The following PIGQ variants were observed in gnomAD, a reference collection of about 807,000 sequenced individuals.
PIGQ encodes the protein phosphatidylinositol glycan anchor biosynthesis class Q.
PIGQ carries 54 observed loss-of-function variants against 60.3 expected under a neutral mutation model. That is an observed-to-expected ratio of 0.90 (90% CI 0.72 to 1.12). The LOEUF is 1.12. Among genes scored for constraint, PIGQ ranks in the 50% most tolerant of loss-of-function variants. PIGQ has a pLI of 0.00. For missense variants in PIGQ, 799 were observed against 793.5 expected (o/e 1.01, Z -0.08); for synonymous variants, 416 against 363.7 (o/e 1.14, Z -1.64).
chr16:576,695 A>T (rs1454039093), intron 4 of PIGQ: 1 of 424,950 alleles, frequency 2.4e-6, no homozygotes, highest in Non-Finnish European at 4.1e-6. Context: ...CTGATTCTGT[A>T]ACTCCTGTGC....
Position 580,980 on chromosome 16 carries a change from CT to C in PIGQ, c.1531+9del, listed in dbSNP as rs756931991. 3.8e-6 allele frequency: 6 copies of C among 1,571,382 alleles called. No individual in the cohort carries two copies. In the African/African-American group the frequency reaches 8.1e-5, roughly 21 times the overall value. ...GGCCCTACAGGCTGGCGGGTAAGTG[CT>C]GCGTATTGGGCAGCTGGCCCTGGGT... is the stretch of plus-strand genomic sequence containing the variant. On this transcript the variant is annotated intron_variant, in intron 9 of 10. Coordinates refer to ENST00000321878, the MANE Select transcript of PIGQ (RefSeq NM_004204.5).
At chr16:580,761 C>G (rs935166151) in intron 8 of PIGQ, 97 bp from the exon 9 acceptor site, 7 of 742,556 alleles carry the variant, frequency 9.4e-6, no homozygotes, top group Non-Finnish European at 1.7e-5. Context: ...GACCCTGCAG[C>G]CTCTGGGCCC....
chr16:581,890 A>G (rs990324784), intron 9 of PIGQ: 10 of 329,898 alleles, frequency 3.0e-5, no homozygotes, highest in African/African-American at 2.2e-4. Flanking sequence ...CAGCCTCCCA[A>G]GTAGCTGAGA....
chr16:582,179 T>C, intron 9 of PIGQ, 69 bp from the exon 10 acceptor site: 1 of 1,150,142 alleles, frequency 8.7e-7, no homozygotes, highest in Non-Finnish European at 1.3e-6. Context: ...GGAAGGTACC[T>C]GCAGCCTCTG....
intron 1 of PIGQ, among the ~76,000 whole-genome samples, chr16:573,560 A>G (rs1015599433): frequency 2.0e-5 from 3 of 152,106 alleles, no homozygotes; most frequent in Non-Finnish European, 4.4e-5. Flanking sequence ...ATCATTTTAC[A>G]TTTTCATCTT....
chr16:581,035 C>G, intron 9 of PIGQ, 63 bp downstream of exon 9: 1 of 1,348,816 alleles, frequency 7.4e-7, no homozygotes, highest in Non-Finnish European at 1.1e-6. Flanking sequence ...CCTGTGGGCC[C>G]TGCAGAAGCA....
At chr16:573,936 A>C (rs2035672514) in intron 1 of PIGQ, 130 bp from the exon 2 acceptor site, 6 of 638,020 alleles carry the variant, frequency 9.4e-6, no homozygotes, top group Non-Finnish European at 1.6e-5. Context: ...TCCACCACCG[A>C]ACTTGAAGCT....
intron 1 of PIGQ, among the ~76,000 whole-genome samples, chr16:571,415 CTG>C (rs1396458695): frequency 1.2e-4 from 4 of 32,282 alleles, no homozygotes; most frequent in Non-Finnish European, 2.4e-4. Flanking sequence ...TCTGGCTAGC[CTG>C]TGTGTGTCTG....
intron 1 of PIGQ, chr16:572,665 C>T (rs2035653870): frequency 2.2e-6 from 1 of 455,808 alleles, no homozygotes; most frequent in Admixed American, 2.4e-5. Context: ...CACTCTGTTC[C>T]CTCGTCCCTA....
chr16:572,548 T>C (rs533162362), intron 1 of PIGQ: 2 of 453,870 alleles, frequency 4.4e-6, no homozygotes, highest in South Asian at 3.1e-5. Flanking sequence ...TGCATCCTGC[T>C]CTGTTCCCTC....
Position 575,979 on chromosome 16 carries a change from C to T in PIGQ, c.821+9C>T, listed in dbSNP as rs1188752266. On this transcript the variant is annotated intron_variant, in intron 3 of 10. Transcript: ENST00000321878. ...CCTGCCCAGCTGATGAGGTGTGGGC[C>T]TGCCCTGGTCTCTGCAGGGCTGGGT... is the stretch of plus-strand genomic sequence containing the variant. The T allele has an allele frequency of 1.3e-6, 2 of 1,578,220 alleles. No homozygotes were observed. The highest frequency in any genetic ancestry group is 2.3e-5 in the East Asian group (1 of 43,368).
rs963491494 is a variant in PIGQ at position 578,277 on chromosome 16, G to A, written c.943-102G>A. The A allele has an allele frequency of 4.0e-6, 5 of 1,245,430 alleles. No homozygotes were observed. In the Admixed American group the frequency reaches 6.5e-5, roughly 16 times the overall value. 77.1% of individuals were successfully genotyped at this position (1,245,430 alleles called of 1,614,324 possible). A position where few individuals can be genotyped will look rare whatever the true frequency, so the allele number is the denominator to read the frequency against. On this transcript the variant is annotated intron_variant, in intron 4 of 10. Transcript: ENST00000321878. ...TAGGACGCGGTAGACCCTGGAGGAG[G>A]GAAGGCTGGCCAAGGTGGGAGCCCA...
chr16:581,037 G>C, intron 9 of PIGQ, 65 bp downstream of exon 9: 23 of 1,343,466 alleles, frequency 1.7e-5, no homozygotes, highest in Non-Finnish European at 2.5e-5. Flanking sequence ...TGTGGGCCCT[G>C]CAGAAGCAAG....
Position 574,065 on chromosome 16 carries a change from G to A in PIGQ, c.-9-1G>A. On this transcript the variant is annotated splice_acceptor_variant, in intron 1 of 10. Coordinates refer to ENST00000321878, the MANE Select transcript of PIGQ (RefSeq NM_004204.5). LOFTEE classifies it low-confidence loss of function (5UTR_SPLICE). ...GCCGAGCCTCTCCTCTTCTCTTCCA[G>A]CCTCCCGGCATGGTGCTCAAGGCCT... 1 of 1,584,624 alleles carries A rather than the reference G, an allele frequency of 6.3e-7. No individual in the cohort carries two copies. Among genetic ancestry groups the A allele is most frequent in the Non-Finnish European group, 8.6e-7 (1 of 1,165,182 alleles).
In PIGQ at chr16:574,225, C is replaced by G. The variant is rs1310451834; in HGVS notation, c.151C>G (p.Gln51Glu). Residue 51 changes from glutamine (Q) to glutamate (E), a missense_variant, in exon 2 of 11, where the codon CAG becomes GAG. Coordinates refer to ENST00000321878, the MANE Select transcript of PIGQ (RefSeq NM_004204.5). ...IPIQVKQLLA[Q>E]VRQASQVGVA... The stretch of plus-strand genomic sequence containing the variant: ...CATCCAGGTCAAGCAGCTCCTGGCC[C>G]AGGTGCGGCAGGCCAGCCAGGTGGG... 1.2e-6 allele frequency: 2 copies of G among 1,611,268 alleles called. No homozygotes were observed.
rs568765140 is a variant in PIGQ, at chr16:572,239, C to T, written c.-9-1827C>T. Among the ~76,000 whole-genome samples the T allele has an allele frequency of 1.4e-4, 22 of 152,334 alleles. No homozygotes were observed. The East Asian group carries it at 2.3e-3, about 16-fold the overall frequency. Reference sequence around the variant, plus strand: ...AGGCAGAATCACTTTGTCCCTCTCACGATGTCCTTGGTGCCTCACGTCAGC... The same window carrying T: ...AGGCAGAATCACTTTGTCCCTCTCATGATGTCCTTGGTGCCTCACGTCAGC... On this transcript the variant is annotated intron_variant, in intron 1 of 10. Coordinates refer to ENST00000321878, the MANE Select transcript of PIGQ (RefSeq NM_004204.5).
intron 7 of PIGQ, 156 bp from the exon 8 acceptor site, chr16:580,027 C>T: frequency 1.8e-6 from 1 of 550,370 alleles, no homozygotes. Context: ...GGACAGCCCT[C>T]CTGCTACTGG....
At chr16:576,291 G>T in intron 4 of PIGQ, 37 bp downstream of exon 4, 1 of 1,542,876 alleles carries the variant, frequency 6.5e-7, no homozygotes. Context: ...GTCCCGGGTG[G>T]GCGTGGGGAC....
At position 583,344 on chromosome 16, in the gene PIGQ, C is replaced by T; in HGVS notation, c.*309C>T. ...CAGGTGTCCAGAGCACTGCCCCATG[C>T]CCACCCTGTGTACCCAGGTCCAGAG... On this transcript the variant is annotated 3_prime_UTR_variant, in exon 11 of 11. Transcript: ENST00000321878. 6.2e-7 allele frequency: 1 copy of T among 1,612,568 alleles called. No homozygotes were observed. The highest frequency in any genetic ancestry group is 1.1e-5 in the South Asian group (1 of 91,066).
Sources: allele counts gnomAD v4.1 joint callset (sites outside exome capture counted in the v4.1 genomes callset), GRCh38; gene constraint gnomAD v4.1.1; transcripts MANE v1.5; gene names NCBI Gene and HGNC (gene_info 2026-07-23, HGNC 2026-07-21).